Variants in ADK observed in about 807,000 individuals in gnomAD.
ADK encodes N6,N6-dimethyladenosine kinase.
In ADK, 24 loss-of-function variants were observed where a neutral mutation model predicts 44.7. The ratio of observed to expected loss-of-function variants is 0.54; its 90% confidence interval spans 0.39 to 0.76. The LOEUF (loss-of-function observed/expected upper bound fraction) is 0.76, where lower values mean the gene tolerates loss of function less well. ADK is among the 30% of genes least tolerant of loss of function. The pLI is 0.00. For synonymous variants in ADK, 128 were observed against 142.6 expected (o/e 0.90, Z 0.73); for missense variants, 321 against 425.1 (o/e 0.76, Z 2.15).
chr10:74,522,180 C>T (rs1290966587), intron 6 of ADK, among the ~76,000 whole-genome samples: 1 of 152,104 alleles, frequency 6.6e-6, no homozygotes, highest in Non-Finnish European at 1.5e-5. Flanking sequence ...CCAGCAAAAA[C>T]TGTATTTTTA....
At chr10:74,680,213 G>C (rs1044991445) in intron 10 of ADK, among the ~76,000 whole-genome samples, 13 of 151,624 alleles carry the variant, frequency 8.6e-5, no homozygotes, top group African/African-American at 2.7e-4. Context: ...TACTCGGGAG[G>C]CTGAGGCAGG....
chr10:74,681,863 A>C (rs1158147396), intron 10 of ADK, among the ~76,000 whole-genome samples: 1 of 152,038 alleles, frequency 6.6e-6, no homozygotes, highest in Non-Finnish European at 1.5e-5. Flanking sequence ...AAAAAAAAAA[A>C]AAAAAAGTTG....
At chr10:74,646,675 C>A (rs1486135881) in intron 9 of ADK, among the ~76,000 whole-genome samples, 5 of 152,134 alleles carry the variant, frequency 3.3e-5, no homozygotes, top group Non-Finnish European at 5.9e-5. Flanking sequence ...GTTAGTATTA[C>A]AGTAAGCAAT....
At chr10:74,427,126 T>G (rs545064429) in intron 6 of ADK, among the ~76,000 whole-genome samples, 14 of 152,198 alleles carry the variant, frequency 9.2e-5, no homozygotes, top group Non-Finnish European at 1.8e-4. Context: ...CTATATGTCC[T>G]TAGCTTGGGG....
chr10:74,474,055 T>C (rs747598550), intron 6 of ADK, among the ~76,000 whole-genome samples: 20 of 152,192 alleles, frequency 1.3e-4, no homozygotes, highest in South Asian at 4.1e-4. Flanking sequence ...CCCTCATTTA[T>C]TCTATATTTA....
chr10:74,353,719 T>C (rs750404777), intron 4 of ADK, among the ~76,000 whole-genome samples: 2 of 151,740 alleles, frequency 1.3e-5, no homozygotes, highest in Admixed American at 1.3e-4. Context: ...ATACAAAAAA[T>C]TAGCCAGGCG....
intron 6 of ADK, among the ~76,000 whole-genome samples, chr10:74,434,958 A>T (rs1027492760): frequency 6.6e-6 from 1 of 152,212 alleles, no homozygotes; most frequent in African/African-American, 2.4e-5. Flanking sequence ...TAAACTAGTT[A>T]TGCACAGTAG....
intron 6 of ADK, among the ~76,000 whole-genome samples, chr10:74,418,109 T>C (rs534038872): frequency 3.3e-5 from 5 of 152,328 alleles, no homozygotes; most frequent in African/African-American, 1.2e-4. Flanking sequence ...TGGGGCTGTT[T>C]GTAGAGGAAA....
chr10:74,429,340 A>G (rs1311694958), intron 6 of ADK, among the ~76,000 whole-genome samples: 1 of 152,234 alleles, frequency 6.6e-6, no homozygotes, highest in African/African-American at 2.4e-5. Flanking sequence ...ACCTAGGATC[A>G]ATTTGAGATT....
chr10:74,473,408 C>T (rs765600318), intron 6 of ADK, among the ~76,000 whole-genome samples: 8 of 152,164 alleles, frequency 5.3e-5, no homozygotes, highest in Non-Finnish European at 8.8e-5. Context: ...ATACCATTAA[C>T]TAAACTACAG....
chr10:74,155,951 C>T (rs1591786710), intron 1 of ADK, among the ~76,000 whole-genome samples: 1 of 152,166 alleles, frequency 6.6e-6, no homozygotes, highest in African/African-American at 2.4e-5. Flanking sequence ...ATGCCTTTTA[C>T]TTATATTCGC....
At chr10:74,655,101 C>A in intron 9 of ADK, 1 of 273,204 alleles carries the variant, frequency 3.7e-6, no homozygotes, top group Non-Finnish European at 7.2e-6. Flanking sequence ...GAACCTTACC[C>A]TGGGGGTTGA....
At chr10:74,230,046 CTTTTTTTT>C (rs5786138) in intron 3 of ADK, among the ~76,000 whole-genome samples, 1 of 116,206 alleles carries the variant, frequency 8.6e-6, no homozygotes, top group African/African-American at 3.2e-5. Context: ...TTAAAAGAAT[CTTTTTTTT>C]TTTTTTTTTT....
At chr10:74,459,545 A>T (rs539443637) in intron 6 of ADK, among the ~76,000 whole-genome samples, 1 of 151,988 alleles carries the variant, frequency 6.6e-6, no homozygotes, top group African/African-American at 2.4e-5. Flanking sequence ...CCTGGCCAAC[A>T]TGGTGAAACC....
intron 3 of ADK, among the ~76,000 whole-genome samples, chr10:74,303,894 G>A (rs1004483491): frequency 7.3e-5 from 11 of 151,488 alleles, no homozygotes; most frequent in Non-Finnish European, 1.2e-4. Context: ...GCTTGAACCC[G>A]GGAGGTGGAG....
rs11000897 is a variant in ADK at position 74,151,518 on chromosome 10, C to A, written c.65+175C>A. On this transcript the variant is annotated intron_variant, in intron 1 of 10. Transcript: ENST00000539909. Reference sequence around the variant, plus strand: ...GCGACCCCTTGCCAGACGTTCTCTCCGTTTGGCTGAGTCCCCGCCTGTCTG... The same window carrying A: ...GCGACCCCTTGCCAGACGTTCTCTCAGTTTGGCTGAGTCCCCGCCTGTCTG... Among the ~76,000 whole-genome samples the A allele has an allele frequency of 0.14, 21,912 of 152,186 alleles. 1,647 individuals carry two copies. Among genetic ancestry groups the A allele is most frequent in the Middle Eastern group, 0.22 (64 of 294 alleles).
At chr10:74,628,577 T>G (rs1415839000) in intron 9 of ADK, among the ~76,000 whole-genome samples, 1 of 151,842 alleles carries the variant, frequency 6.6e-6, no homozygotes, top group African/African-American at 2.4e-5. Context: ...CTGACTGCTA[T>G]TCAACCAAAC....
chr10:74,590,408 A>G (rs1337617230), intron 8 of ADK, among the ~76,000 whole-genome samples: 4 of 152,138 alleles, frequency 2.6e-5, no homozygotes, highest in Non-Finnish European at 5.9e-5. Flanking sequence ...TTTTAAATGT[A>G]GTAAAGGCAG....
At chr10:74,536,160 A>G (rs1339792816) in intron 7 of ADK, among the ~76,000 whole-genome samples, 1 of 152,136 alleles carries the variant, frequency 6.6e-6, no homozygotes, top group Non-Finnish European at 1.5e-5. Context: ...TTTATTATAA[A>G]TTAATAAAGT....
Sources: gnomAD v4.1 joint callset for allele counts (sites outside exome capture counted in the v4.1 genomes callset) on GRCh38, gnomAD v4.1.1 for gene constraint, MANE v1.5 for transcripts, NCBI Gene and HGNC (gene_info 2026-07-23, HGNC 2026-07-21) for gene names.